PDSS2: variants seen among roughly 807,000 people sequenced by gnomAD.
PDSS2 encodes all trans-polyprenyl-diphosphate synthase PDSS2.
In PDSS2, 31 loss-of-function variants were observed where a neutral mutation model predicts 44.5. That is an observed-to-expected ratio of 0.70 (90% confidence interval 0.52 to 0.94). The LOEUF (loss-of-function observed/expected upper bound fraction) is 0.94. Among genes scored for constraint, PDSS2 ranks in the 40% least tolerant of loss-of-function variants. The pLI is 0.00. For missense variants in PDSS2, 452 were observed against 482.2 expected (o/e 0.94, Z 0.59); for synonymous variants, 157 against 180.3 (o/e 0.87, Z 1.03).
intron 4 of PDSS2, among the ~76,000 whole-genome samples, chr6:107,229,024 A>G (rs1164416568): frequency 6.6e-6 from 1 of 152,172 alleles, no homozygotes; most frequent in Non-Finnish European, 1.5e-5. Context: ...TAAATTGACC[A>G]ATGAAATACA....
At chr6:107,311,194 G>GC (rs1777034467) in intron 2 of PDSS2, among the ~76,000 whole-genome samples, 1 of 114,144 alleles carries the variant, frequency 8.8e-6, no homozygotes, top group Admixed American at 1.0e-4. Context: ...ACCACAACCA[G>GC]CTTTTTTTTT....
intron 1 of PDSS2, among the ~76,000 whole-genome samples, chr6:107,365,267 T>C (rs942923737): frequency 6.6e-6 from 1 of 152,152 alleles, no homozygotes; most frequent in African/African-American, 2.4e-5. Context: ...AAAGTTTCTG[T>C]ATTTTGCTAG....
chr6:107,290,826 T>C (rs1776320656), intron 2 of PDSS2, among the ~76,000 whole-genome samples: 1 of 152,164 alleles, frequency 6.6e-6, no homozygotes, highest in Non-Finnish European at 1.5e-5. Flanking sequence ...CTGCTTTTTT[T>C]CCCCTCCATA....
intron 7 of PDSS2, among the ~76,000 whole-genome samples, chr6:107,173,597 A>AAAAGG (rs1771684674): frequency 6.7e-6 from 1 of 148,680 alleles, no homozygotes; most frequent in Non-Finnish European, 1.5e-5. Flanking sequence ...AAAAAAAAAA[A>AAAAGG]CGCTTAGAAC....
intron 1 of PDSS2, among the ~76,000 whole-genome samples, chr6:107,337,966 CATTA>C (rs1472344927): frequency 1.2e-4 from 19 of 152,094 alleles, no homozygotes; most frequent in Non-Finnish European, 2.5e-4. Flanking sequence ...ATCTTCTGGC[CATTA>C]ATTTTCACAT....
At chr6:107,227,302 T>TTTTTTTTTTTTG (rs1773866585) in intron 4 of PDSS2, among the ~76,000 whole-genome samples, 1 of 126,130 alleles carries the variant, frequency 7.9e-6, no homozygotes, top group Non-Finnish European at 1.7e-5. Context: ...TTTTTTTTTT[T>TTTTTTTTTTTTG]TTTTGAGACA....
intron 1 of PDSS2, among the ~76,000 whole-genome samples, chr6:107,349,239 T>C (rs1778353654): frequency 6.6e-6 from 1 of 152,030 alleles, no homozygotes; most frequent in Admixed American, 6.5e-5. Flanking sequence ...GAGACTATCC[T>C]GGCTAACACG....
chr6:107,371,047 G>A (rs1374269727), intron 1 of PDSS2, among the ~76,000 whole-genome samples: 1 of 152,140 alleles, frequency 6.6e-6, no homozygotes, highest in African/African-American at 2.4e-5. Context: ...GCCGGGCTTG[G>A]TGGGCACCTG....
chr6:107,292,061 T>C (rs1356797899), intron 2 of PDSS2, among the ~76,000 whole-genome samples: 2 of 151,896 alleles, frequency 1.3e-5, no homozygotes, highest in Non-Finnish European at 2.9e-5. Context: ...AGTTATAGTA[T>C]ACAGAAAAGA....
chr6:107,434,099 C>T (rs1781274395), intron 1 of PDSS2, among the ~76,000 whole-genome samples: 1 of 152,074 alleles, frequency 6.6e-6, no homozygotes, highest in South Asian at 2.1e-4. Flanking sequence ...AAAAGATAAG[C>T]AATAATGAAT....
At chr6:107,450,244 T>C (rs1781823686) in intron 1 of PDSS2, among the ~76,000 whole-genome samples, 1 of 152,178 alleles carries the variant, frequency 6.6e-6, no homozygotes, top group Non-Finnish European at 1.5e-5. Flanking sequence ...AACCACTCAC[T>C]AGGATATGTG....
At chr6:107,170,608 C>A (rs1312559331) in intron 7 of PDSS2, among the ~76,000 whole-genome samples, 2 of 33,776 alleles carry the variant, frequency 5.9e-5, no homozygotes, top group South Asian at 7.4e-4. Flanking sequence ...TTGGAACCAC[C>A]CCCCCCCCCC....
intron 1 of PDSS2, among the ~76,000 whole-genome samples, chr6:107,344,026 A>G (rs112730385): frequency 3.9e-5 from 6 of 152,208 alleles, no homozygotes; most frequent in African/African-American, 1.4e-4. Flanking sequence ...ATGACTTAGT[A>G]TATTATAGTT....
intron 1 of PDSS2, among the ~76,000 whole-genome samples, chr6:107,406,803 T>C (rs981410278): frequency 1.8e-4 from 27 of 152,202 alleles, no homozygotes; most frequent in African/African-American, 6.5e-4. Flanking sequence ...ACTATACTCT[T>C]AAAGTTAAGC....
chr6:107,312,807 C>T (rs1170787244), intron 2 of PDSS2, among the ~76,000 whole-genome samples: 1 of 152,178 alleles, frequency 6.6e-6, no homozygotes, highest in African/African-American at 2.4e-5. Flanking sequence ...TGATTACCTA[C>T]TAGGGGCCAA....
intron 3 of PDSS2, among the ~76,000 whole-genome samples, chr6:107,273,548 C>A (rs114876852): frequency 2.0e-5 from 3 of 151,944 alleles, no homozygotes; most frequent in African/African-American, 7.3e-5. Context: ...AAAGTTATAA[C>A]CATGGGAAGA....
chr6:107,369,959 C>T (rs1779081300), intron 1 of PDSS2, among the ~76,000 whole-genome samples: 1 of 151,834 alleles, frequency 6.6e-6, no homozygotes, highest in African/African-American at 2.4e-5. Flanking sequence ...TCTTTTGTAT[C>T]TCACTCCAGC....
intron 1 of PDSS2, among the ~76,000 whole-genome samples, chr6:107,435,113 A>T (rs1163425670): frequency 1.3e-5 from 2 of 151,414 alleles, no homozygotes; most frequent in Non-Finnish European, 2.9e-5. Flanking sequence ...CTCATCTCTT[A>T]AAAAAAAATT....
intron 4 of PDSS2, among the ~76,000 whole-genome samples, chr6:107,228,419 C>T (rs147485546): frequency 7.2e-5 from 11 of 152,208 alleles, no homozygotes; most frequent in African/African-American, 2.4e-4. Flanking sequence ...CTAGGCCAGG[C>T]GCGGCGGCTC....
Sources: gnomAD v4.1 joint callset for allele counts (sites outside exome capture counted in the v4.1 genomes callset) on GRCh38, gnomAD v4.1.1 for gene constraint, MANE v1.5 for transcripts, NCBI Gene and HGNC (gene_info 2026-07-23, HGNC 2026-07-21) for gene names.